Variants in CELF2 observed in about 807,000 individuals in gnomAD.
CELF2 encodes the protein CUG triplet repeat RNA-binding protein 2.
In CELF2, 8 loss-of-function variants were observed where a neutral mutation model predicts 62.6. The observed-to-expected ratio is 0.13, with a 90% CI of 0.07 to 0.23. The LOEUF is 0.23. Ranked by LOEUF, CELF2 falls within the 10% of genes least tolerant of loss-of-function variation. CELF2 has a pLI of 1.00. For synonymous variants in CELF2, 258 were observed against 250.0 expected (o/e 1.03, Z -0.30); for missense variants, 333 against 671.0 (o/e 0.50, Z 5.56).
At chr10:11,238,347 C>T (rs1383826283) in intron 3 of CELF2, among the ~76,000 whole-genome samples, 4 of 152,196 alleles carry the variant, frequency 2.6e-5, no homozygotes, top group Non-Finnish European at 4.4e-5. Flanking sequence ...TCCTATAAGG[C>T]TTTTCATACG....
At chr10:11,133,413 A>T (rs1383444656) in intron 1 of CELF2, among the ~76,000 whole-genome samples, 2 of 152,224 alleles carry the variant, frequency 1.3e-5, no homozygotes, top group African/African-American at 4.8e-5. Context: ...GGGACCAAGA[A>T]GAAGAAGAAA....
At chr10:10,550,057 T>C in the CELF2 span, among the ~76,000 whole-genome samples, 2 of 152,206 alleles carry the variant, frequency 1.3e-5, no homozygotes, top group Admixed American at 1.3e-4. Flanking sequence ...AATCCATGTA[T>C]AATTTTTGAC....
At chr10:10,620,927 A>G in the CELF2 span, among the ~76,000 whole-genome samples, 1 of 134,636 alleles carries the variant, frequency 7.4e-6, no homozygotes, top group African/African-American at 2.8e-5. Flanking sequence ...CAAAAAAAAA[A>G]AAAAAAAAAA....
At chr10:11,116,510 C>G (rs2056598800) in intron 1 of CELF2, among the ~76,000 whole-genome samples, 1 of 152,200 alleles carries the variant, frequency 6.6e-6, no homozygotes, top group African/African-American at 2.4e-5. Context: ...AGAAACTGAT[C>G]AGCAAGGCTT....
chr10:10,901,701 A>G (rs977485193), intron 1 of CELF2, among the ~76,000 whole-genome samples: 2 of 152,212 alleles, frequency 1.3e-5, no homozygotes, highest in Admixed American at 6.5e-5. Context: ...GAGAGACATC[A>G]ATAAGAGAAT....
At chr10:10,673,704 G>A in the CELF2 span, among the ~76,000 whole-genome samples, 6 of 151,956 alleles carry the variant, frequency 3.9e-5, no homozygotes, top group African/African-American at 1.2e-4. Context: ...CACTGATTTC[G>A]CTGCATCCCA....
rs370710297 is a variant in CELF2 at position 10,816,977 on chromosome 10, A to G, written c.53+18160A>G. On this transcript the variant is annotated intron_variant, in intron 1 of 13. Transcript: ENST00000636488. ...AGTTGGAAAAGAAAATTGGGAACCTATAGGTCAGATAAGGTGGTGTCAGCA... is the reference window on the plus strand; with the variant it reads ...AGTTGGAAAAGAAAATTGGGAACCTGTAGGTCAGATAAGGTGGTGTCAGCA... Among the ~76,000 whole-genome samples, 254 of 152,364 alleles carry G rather than the reference A, an allele frequency of 1.7e-3. 1 individual carries two copies. Among genetic ancestry groups the G allele is most frequent in the Non-Finnish European group, 2.9e-3 (198 of 68,036 alleles).
intron 1 of CELF2, among the ~76,000 whole-genome samples, chr10:11,152,431 T>C (rs1278992628): frequency 2.0e-5 from 3 of 151,722 alleles, no homozygotes; most frequent in Non-Finnish European, 4.4e-5. Flanking sequence ...AAAAATCTGG[T>C]GGGAAAGATT....
At chr10:10,765,523 T>G in the CELF2 span, among the ~76,000 whole-genome samples, 1 of 152,162 alleles carries the variant, frequency 6.6e-6, no homozygotes, top group South Asian at 2.1e-4. Flanking sequence ...CCGACCACAA[T>G]TGGGCTTTAT....
At chr10:10,612,279 C>T in the CELF2 span, among the ~76,000 whole-genome samples, 1 of 152,080 alleles carries the variant, frequency 6.6e-6, no homozygotes, top group Non-Finnish European at 1.5e-5. Context: ...TGGTCAATTT[C>T]CCCAGGCACC....
chr10:10,888,733 A>T (rs1260684831), intron 1 of CELF2, among the ~76,000 whole-genome samples: 1 of 152,102 alleles, frequency 6.6e-6, no homozygotes, highest in Non-Finnish European at 1.5e-5. Context: ...TCTTCTAGTA[A>T]CCTCGGGCTT....
In CELF2 at chr10:11,180,043, A is replaced by G. The variant is rs76457986; in HGVS notation, c.271+14361A>G. ...GGTGTTTCTAATGTGAGGTTCTGTT[A>G]GCCTGTTGGTGCTCCTCAGTCACTG... On this transcript the variant is annotated intron_variant, in intron 2 of 12. Coordinates refer to ENST00000633077, the MANE Select transcript of CELF2 (RefSeq NM_001326342.2). 7.7e-3 allele frequency among the ~76,000 whole-genome samples: 1,174 copies of G among 152,298 alleles called. 9 individuals are homozygous for G. The highest frequency in any genetic ancestry group is 0.012 in the Non-Finnish European group (843 of 68,020).
At chr10:10,794,431 A>C (rs1166106677), upstream of CELF2, among the ~76,000 whole-genome samples, 2 of 152,224 alleles carry the variant, frequency 1.3e-5, no homozygotes, top group African/African-American at 4.8e-5. Flanking sequence ...AATAAGTTTA[A>C]AGCAAGCCGC....
At chr10:11,173,486 G>C (rs911617042) in intron 2 of CELF2, among the ~76,000 whole-genome samples, 1 of 152,074 alleles carries the variant, frequency 6.6e-6, no homozygotes. Flanking sequence ...CAGAATTCTA[G>C]CATTAATTAA....
At chr10:10,681,193 T>C in the CELF2 span, among the ~76,000 whole-genome samples, 1 of 152,248 alleles carries the variant, frequency 6.6e-6, no homozygotes, top group East Asian at 1.9e-4. Flanking sequence ...AAGGACTCCA[T>C]TTATTCATGT....
the CELF2 span, among the ~76,000 whole-genome samples, chr10:10,538,299 A>G: frequency 6.6e-6 from 1 of 152,142 alleles, no homozygotes; most frequent in African/African-American, 2.4e-5. Context: ...GCTGAACTCA[A>G]CTGGAAACCA....
upstream of CELF2, among the ~76,000 whole-genome samples, chr10:11,016,880 T>C (rs1209475027): frequency 2.6e-5 from 4 of 152,258 alleles, no homozygotes; most frequent in South Asian, 8.3e-4. The surrounding 1 kb of genome is among the most constrained non-coding windows in gnomAD (Gnocchi z 5.2). Context: ...CATTACAAAA[T>C]CAAGTGAAGG....
chr10:10,540,961 G>A, the CELF2 span, among the ~76,000 whole-genome samples: 1 of 152,118 alleles, frequency 6.6e-6, no homozygotes, highest in Non-Finnish European at 1.5e-5. Flanking sequence ...GAGGCGTGTG[G>A]ATCACGAGGT....
the CELF2 span, among the ~76,000 whole-genome samples, chr10:10,653,306 A>C: frequency 6.6e-6 from 1 of 150,834 alleles, no homozygotes; most frequent in Non-Finnish European, 1.5e-5. Context: ...TAGACAGATC[A>C]ACGAGACAGA....
Sources: allele counts gnomAD v4.1 joint callset (sites outside exome capture counted in the v4.1 genomes callset), GRCh38; gene constraint gnomAD v4.1.1; non-coding constraint Gnocchi (gnomAD v3.1); transcripts MANE v1.5; gene names NCBI Gene and HGNC (gene_info 2026-07-23, HGNC 2026-07-21).